Variants in MYO16 observed in about 807,000 individuals in gnomAD.
The protein encoded by MYO16 is myosin XVI.
In MYO16, 94 loss-of-function variants were observed where a neutral mutation model predicts 205.3. The observed-to-expected ratio is 0.46, with a 90% confidence interval of 0.39 to 0.54. MYO16 has a LOEUF of 0.54. MYO16 is among the 20% of genes least tolerant of loss of function. The pLI is 0.00. For synonymous variants in MYO16, 988 were observed against 954.0 expected (o/e 1.04, Z -0.66); for missense variants, 2,315 against 2,387.5 (o/e 0.97, Z 0.63).
At chr13:108,749,005 T>C (rs1484659322) in intron 4 of MYO16, among the ~76,000 whole-genome samples, 1 of 152,026 alleles carries the variant, frequency 6.6e-6, no homozygotes, top group African/African-American at 2.4e-5. Flanking sequence ...AACAAGTATC[T>C]GATAATACTC....
rs1566466563 is a variant in MYO16 at position 109,022,639 on chromosome 13, G to GTATATACA, written c.2796+2728_2796+2729insTATATACA. On this transcript the variant is annotated intron_variant, in intron 23 of 34. Transcript: ENST00000457511. ...ACATATGTATATATATTATATATAT[G>GTATATACA]CATATAAACATATGTATATATTTAT... is the stretch of plus-strand genomic sequence containing the variant. Among the ~76,000 whole-genome samples, 28 of 123,596 alleles carry GTATATACA rather than the reference G, an allele frequency of 2.3e-4. 1 individual carries two copies. Among genetic ancestry groups the GTATATACA allele is most frequent in the African/African-American group, 9.2e-4 (28 of 30,424 alleles). 81.1% of individuals were successfully genotyped at this position (123,596 alleles called of 152,430 possible).
chr13:109,132,759 A>G (rs1876598236), intron 31 of MYO16, among the ~76,000 whole-genome samples: 1 of 152,222 alleles, frequency 6.6e-6, no homozygotes, highest in Non-Finnish European at 1.5e-5. Context: ...GGAATAACAG[A>G]ACACAATTGC....
At chr13:108,636,505 A>C (rs995276443) in intron 1 of MYO16, among the ~76,000 whole-genome samples, 9 of 151,502 alleles carry the variant, frequency 5.9e-5, no homozygotes, top group African/African-American at 1.9e-4. Context: ...TCAGCCTCCC[A>C]AGTAGCTGGG....
intron 12 of MYO16, among the ~76,000 whole-genome samples, chr13:108,881,995 C>A (rs990183655): frequency 6.6e-6 from 1 of 152,174 alleles, no homozygotes; most frequent in Non-Finnish European, 1.5e-5. Context: ...ACATAATTGT[C>A]AGATTCACCA....
chr13:108,819,463 A>G (rs1180083952), intron 7 of MYO16, among the ~76,000 whole-genome samples: 3 of 152,162 alleles, frequency 2.0e-5, no homozygotes, highest in African/African-American at 7.2e-5. Context: ...TATAGAGAAG[A>G]TATTAATGGT....
At chr13:109,006,527 A>C (rs557062127) in intron 21 of MYO16, among the ~76,000 whole-genome samples, 20 of 152,316 alleles carry the variant, frequency 1.3e-4, no homozygotes, top group Admixed American at 2.0e-4. Flanking sequence ...GGTGTGAGCC[A>C]CTGCACCTGG....
At chr13:109,123,861 A>G (rs531294600) in intron 29 of MYO16, among the ~76,000 whole-genome samples, 8 of 152,348 alleles carry the variant, frequency 5.3e-5, no homozygotes, top group Non-Finnish European at 1.2e-4. Context: ...ACTATTTTAA[A>G]GCACTTAATA....
chr13:108,995,217 T>C (rs1566451031), intron 21 of MYO16, among the ~76,000 whole-genome samples: 1 of 152,124 alleles, frequency 6.6e-6, no homozygotes. Flanking sequence ...CTCTGCTTCA[T>C]AGATGCTGCC....
At chr13:108,602,849 T>G (rs931727043) in intron 1 of MYO16, among the ~76,000 whole-genome samples, 4 of 152,148 alleles carry the variant, frequency 2.6e-5, no homozygotes, top group African/African-American at 9.7e-5. Flanking sequence ...TCTAATGAAT[T>G]TGAGGCAAAA....
intron 1 of MYO16, among the ~76,000 whole-genome samples, chr13:108,637,472 C>A (rs192625419): frequency 3.3e-5 from 5 of 152,158 alleles, no homozygotes; most frequent in African/African-American, 9.6e-5. Context: ...TTTTAGTTTC[C>A]TTTTATTTTA....
At chr13:108,540,351 C>T in the MYO16 span, among the ~76,000 whole-genome samples, 4 of 152,052 alleles carry the variant, frequency 2.6e-5, no homozygotes, top group African/African-American at 9.7e-5. Context: ...TGTAAAAGAA[C>T]AGTGGCTCTT....
chr13:108,652,155 G>A (rs576330691), intron 1 of MYO16, among the ~76,000 whole-genome samples: 5 of 103,746 alleles, frequency 4.8e-5, no homozygotes, highest in African/African-American at 1.4e-4. Flanking sequence ...GTGTGTGTGT[G>A]CGCGCGCGCG....
chr13:108,659,286 CAT>C (rs1412824961), intron 1 of MYO16: 14 of 200,750 alleles, frequency 7.0e-5, no homozygotes, highest in Admixed American at 2.4e-4. Context: ...TGATAGTATA[CAT>C]ATATATCATA....
At chr13:109,046,148 A>G (rs78035171) in intron 23 of MYO16, among the ~76,000 whole-genome samples, 14 of 152,108 alleles carry the variant, frequency 9.2e-5, no homozygotes, top group Admixed American at 6.5e-4. Flanking sequence ...TGTGTCTCCC[A>G]TTATCCACTA....
chr13:108,929,385 T>C (rs1316266536), intron 16 of MYO16, among the ~76,000 whole-genome samples: 1 of 152,124 alleles, frequency 6.6e-6, no homozygotes, highest in East Asian at 1.9e-4. Context: ...ATTGAAAGAA[T>C]AATGAGGTAC....
At chr13:108,625,834 T>C (rs1354258119), upstream of MYO16, among the ~76,000 whole-genome samples, 1 of 152,238 alleles carries the variant, frequency 6.6e-6, no homozygotes, top group Non-Finnish European at 1.5e-5. Flanking sequence ...TTGCAAACTT[T>C]AGTTTTAATT....
rs867027209 is a variant in MYO16 at position 109,048,193 on chromosome 13, G to A, written c.2872+1202G>A. On this transcript the variant is annotated intron_variant, in intron 24 of 34. Transcript: ENST00000457511. ...TGTGTGTGTGTGTGTGTGTGTGTGT[G>A]TGTGTGTGTATTTAGAATGAAAATA... is the stretch of plus-strand genomic sequence containing the variant. 1.7e-4 allele frequency: 67 copies of A among 392,180 alleles called. No homozygotes were observed. The African/African-American group carries it at 1.7e-3, about 10-fold the overall frequency. 24.3% of individuals were successfully genotyped at this position (392,180 alleles called of 1,614,324 possible).
At chr13:108,496,361 T>C in the MYO16 span, among the ~76,000 whole-genome samples, 1 of 152,186 alleles carries the variant, frequency 6.6e-6, no homozygotes, top group African/African-American at 2.4e-5. Flanking sequence ...ATGGGGGCTC[T>C]GCTTCCTCCT....
At chr13:108,934,259 G>GT (rs972574063) in intron 16 of MYO16, among the ~76,000 whole-genome samples, 2 of 152,026 alleles carry the variant, frequency 1.3e-5, no homozygotes, top group African/African-American at 4.8e-5. Context: ...AATGTCTATT[G>GT]TTTTTTGACT....
Sources: allele counts gnomAD v4.1 joint callset (sites outside exome capture counted in the v4.1 genomes callset), GRCh38; gene constraint gnomAD v4.1.1; transcripts MANE v1.5; gene names NCBI Gene and HGNC (gene_info 2026-07-23, HGNC 2026-07-21).